NPAS3: variants seen among roughly 807,000 people sequenced by gnomAD.
NPAS3 encodes the protein neuronal PAS domain protein 3.
A neutral mutation model predicts 73.1 loss-of-function variants in NPAS3; 14 were observed. That is an observed-to-expected ratio of 0.19 (90% CI 0.13 to 0.30). The LOEUF (loss-of-function observed/expected upper bound fraction) is 0.30, where lower values mean the gene tolerates loss of function less well. Ranked by LOEUF, NPAS3 falls within the 10% of genes least tolerant of loss-of-function variation. The pLI is 1.00. For synonymous variants in NPAS3, 620 were observed against 541.5 expected (o/e 1.14, Z -2.01); for missense variants, 1,096 against 1,250.0 (o/e 0.88, Z 1.86).
intron 3 of NPAS3, among the ~76,000 whole-genome samples, chr14:33,237,195 T>C (rs1444403854): frequency 6.6e-6 from 1 of 152,148 alleles, no homozygotes; most frequent in African/African-American, 2.4e-5. Context: ...CTTAACACTT[T>C]AAAGACTTGT....
At chr14:33,187,101 TAAAC>T (rs1362584830) in intron 2 of NPAS3, among the ~76,000 whole-genome samples, 2 of 152,332 alleles carry the variant, frequency 1.3e-5, no homozygotes, top group East Asian at 3.9e-4. Flanking sequence ...ACCTAGTACT[TAAAC>T]AATGCAAATC....
At chr14:33,082,377 T>G (rs1178995127) in intron 2 of NPAS3, among the ~76,000 whole-genome samples, 1 of 152,194 alleles carries the variant, frequency 6.6e-6, no homozygotes, top group Admixed American at 6.5e-5. Flanking sequence ...TTTTGAAAAT[T>G]CAGGTTTTCT....
intron 4 of NPAS3, among the ~76,000 whole-genome samples, chr14:33,487,871 A>G (rs1402479616): frequency 6.6e-6 from 1 of 152,214 alleles, no homozygotes; most frequent in Non-Finnish European, 1.5e-5. Flanking sequence ...TCATGAGTTA[A>G]CCATGGAGTT....
At chr14:33,173,245 C>T (rs950827811) in intron 2 of NPAS3, among the ~76,000 whole-genome samples, 1 of 152,116 alleles carries the variant, frequency 6.6e-6, no homozygotes, top group Non-Finnish European at 1.5e-5. Flanking sequence ...TCATTATTGT[C>T]TAGCAAGCTT....
At chr14:33,062,104 G>T (rs949750280) in intron 2 of NPAS3, among the ~76,000 whole-genome samples, 1 of 152,136 alleles carries the variant, frequency 6.6e-6, no homozygotes, top group African/African-American at 2.4e-5. Flanking sequence ...TCCTGGGAGA[G>T]CCCTGGCAGG....
At chr14:33,266,731 C>T (rs989964640) in intron 3 of NPAS3, among the ~76,000 whole-genome samples, 1 of 152,092 alleles carries the variant, frequency 6.6e-6, no homozygotes, top group East Asian at 1.9e-4. Context: ...ATCTGATGAG[C>T]TTGTTAAAGA....
At chr14:33,657,061 T>C (rs1473170652) in intron 5 of NPAS3, among the ~76,000 whole-genome samples, 3 of 152,200 alleles carry the variant, frequency 2.0e-5, no homozygotes, top group Non-Finnish European at 4.4e-5. Flanking sequence ...CTGCCATTTG[T>C]AATGCCAATG....
rs371371307 is a variant in NPAS3 at position 33,800,769 on chromosome 14, A to G, written c.2462A>G (p.Gln821Arg). ...CTGGCCGCCACCAGCACGGCCGCGC[A>G]GAGGGTCTACACCACGGGCACCATC... The change falls in exon 12 of 12, where the codon CAG becomes CGG. Residue 821 changes from glutamine to arginine, a missense_variant. Physicochemically the swap from Gln to Arg is conservative, Grantham distance 43. Coordinates refer to ENST00000356141, the Ensembl canonical transcript of NPAS3. This position sits in a 1 kb window ranked among gnomAD's most constrained non-coding sequence, Gnocchi z 6.5. 1.0e-4 allele frequency: 158 copies of G among 1,576,230 alleles called. No individual in the cohort carries two copies. Among genetic ancestry groups the G allele is most frequent in the Non-Finnish European group, 1.1e-4 (132 of 1,162,596 alleles).
At chr14:33,282,167 C>T (rs951513667) in intron 3 of NPAS3, among the ~76,000 whole-genome samples, 1 of 152,176 alleles carries the variant, frequency 6.6e-6, no homozygotes, top group Non-Finnish European at 1.5e-5. Flanking sequence ...CTGACTTTCT[C>T]CTTATTTTCA....
intron 2 of NPAS3, among the ~76,000 whole-genome samples, chr14:33,096,171 A>G (rs2042414119): frequency 6.6e-6 from 1 of 151,924 alleles, no homozygotes; most frequent in Non-Finnish European, 1.5e-5. Context: ...TTTTATTTGT[A>G]GGGAAAGATT....
At chr14:33,014,978 A>G (rs1014036683) in intron 1 of NPAS3, among the ~76,000 whole-genome samples, 7 of 152,220 alleles carry the variant, frequency 4.6e-5, no homozygotes, top group African/African-American at 1.7e-4. Context: ...CTTACTCGGT[A>G]CACTCCAGAT....
intron 7 of NPAS3, among the ~76,000 whole-genome samples, chr14:33,751,137 G>A (rs2061951824): frequency 6.6e-6 from 1 of 152,148 alleles, no homozygotes; most frequent in African/African-American, 2.4e-5. Flanking sequence ...TAGCCCCATG[G>A]GCTAATCAGT....
In NPAS3 at chr14:33,221,802, G is replaced by C. The variant is rs141326051; in HGVS notation, c.385+6376G>C. 3.2e-4 allele frequency among the ~76,000 whole-genome samples: 48 copies of C among 152,206 alleles called. 1 individual carries two copies. In the East Asian group the frequency reaches 8.7e-3, roughly 28 times the overall value. On this transcript the variant is annotated intron_variant, in intron 3 of 11. Coordinates refer to ENST00000356141, the Ensembl canonical transcript of NPAS3. Reference sequence around the variant, plus strand: ...GTAAAACCCATCCATTTCTGCCTTTGACTATGTCATCATCTGACTGGATTG... The same window carrying C: ...GTAAAACCCATCCATTTCTGCCTTTCACTATGTCATCATCTGACTGGATTG...
At chr14:33,729,057 G>A (rs1393050993) in intron 6 of NPAS3, among the ~76,000 whole-genome samples, 2 of 152,166 alleles carry the variant, frequency 1.3e-5, no homozygotes, top group African/African-American at 2.4e-5. Context: ...GAAGACTGGA[G>A]AACAGGAAAG....
chr14:33,234,613 G>A (rs1234821328), intron 3 of NPAS3, among the ~76,000 whole-genome samples: 5 of 151,994 alleles, frequency 3.3e-5, no homozygotes, highest in African/African-American at 7.2e-5. Context: ...CGAGAAAACC[G>A]TGGCTGTGTG....
chr14:33,005,819 A>G (rs1192240254), intron 1 of NPAS3, among the ~76,000 whole-genome samples: 1 of 152,102 alleles, frequency 6.6e-6, no homozygotes, highest in Non-Finnish European at 1.5e-5. Flanking sequence ...CTTCAATCTC[A>G]CTTTAGACCT....
intron 6 of NPAS3, among the ~76,000 whole-genome samples, chr14:33,682,877 G>T (rs1386233112): frequency 6.6e-6 from 1 of 152,166 alleles, no homozygotes; most frequent in African/African-American, 2.4e-5. Context: ...CGATAGCTGA[G>T]CTCCACCCTT....
chr14:33,629,234 CAA>C (rs372236952), intron 5 of NPAS3, among the ~76,000 whole-genome samples: 34 of 80,974 alleles, frequency 4.2e-4, no homozygotes, highest in Non-Finnish European at 3.6e-4. Flanking sequence ...GACTCCATCT[CAA>C]AAAAAAAAAA....
intron 1 of NPAS3, among the ~76,000 whole-genome samples, chr14:33,011,316 A>G (rs568142453): frequency 3.3e-5 from 5 of 152,322 alleles, no homozygotes; most frequent in East Asian, 3.9e-4. Flanking sequence ...CTATCCTGGC[A>G]GCTCCACTCA....
Sources: gnomAD v4.1 joint callset for allele counts (sites outside exome capture counted in the v4.1 genomes callset) on GRCh38, gnomAD v4.1.1 for gene constraint, Gnocchi (gnomAD v3.1) non-coding constraint, MANE v1.5 for transcripts, NCBI Gene and HGNC (gene_info 2026-07-23, HGNC 2026-07-21) for gene names.